Variants in FGD4 observed in about 807,000 individuals in gnomAD.
The protein encoded by FGD4 is FYVE, RhoGEF and PH domain containing 4.
FGD4 carries 42 observed loss-of-function variants against 102.0 expected under a neutral mutation model. That is an observed-to-expected ratio of 0.41 (90% CI 0.32 to 0.53). The LOEUF (loss-of-function observed/expected upper bound fraction) is 0.53, where lower values mean the gene tolerates loss of function less well. Among genes scored for constraint, FGD4 ranks in the 20% least tolerant of loss-of-function variants. FGD4 has a pLI of 0.21. For missense variants in FGD4, 902 were observed against 1,078.2 expected, an observed-to-expected ratio of 0.84 and a Z score of 2.29; for synonymous variants, 380 against 375.7, an observed-to-expected ratio of 1.01 and a Z score of -0.13.
intron 1 of FGD4, among the ~76,000 whole-genome samples, chr12:32,507,999 A>G (rs151290708): frequency 1.6e-3 from 240 of 152,278 alleles, no homozygotes; most frequent in African/African-American, 5.6e-3. Context: ...TGCCCTTGCT[A>G]GATTCTGGGT....
At chr12:32,518,990 C>A (rs1241049692) in intron 1 of FGD4, among the ~76,000 whole-genome samples, 1 of 151,760 alleles carries the variant, frequency 6.6e-6, no homozygotes, top group African/African-American at 2.4e-5. Flanking sequence ...TGGCACATGC[C>A]CGTAATCCCA....
intron 10 of FGD4, among the ~76,000 whole-genome samples, chr12:32,612,861 G>A (rs1949233869): frequency 6.6e-6 from 1 of 152,236 alleles, no homozygotes; most frequent in Middle Eastern, 3.4e-3. Flanking sequence ...TCCTGGAAAT[G>A]ACAGTCTGGG....
intron 10 of FGD4, among the ~76,000 whole-genome samples, chr12:32,617,878 C>T (rs1949543844): frequency 6.6e-6 from 1 of 152,176 alleles, no homozygotes; most frequent in Non-Finnish European, 1.5e-5. Context: ...TGCGGGAGCT[C>T]CCACCTTCAC....
chr12:32,528,342 G>A (rs796542065), intron 1 of FGD4, among the ~76,000 whole-genome samples: 15 of 152,296 alleles, frequency 9.8e-5, no homozygotes, highest in African/African-American at 3.6e-4. Context: ...ACACAAGTCT[G>A]TTATATAAAA....
At chr12:32,573,350 C>CTGTAA (rs199498272) in intron 2 of FGD4, among the ~76,000 whole-genome samples, 7,433 of 152,292 alleles carry the variant, frequency 0.049, 215 homozygotes, top group African/African-American at 0.062. Flanking sequence ...CCGCCTTGGC[C>CTGTAA]TCCCAAAGTG....
chr12:32,619,939 G>A (rs1949702202), intron 11 of FGD4, 69 bp downstream of exon 11: 1 of 1,565,702 alleles, frequency 6.4e-7, no homozygotes, highest in Non-Finnish European at 8.8e-7. Context: ...AAAATAGAAT[G>A]GCTCTGAGGG....
intron 1 of FGD4, among the ~76,000 whole-genome samples, chr12:32,523,458 A>G (rs1008935938): frequency 2.0e-5 from 3 of 152,202 alleles, no homozygotes; most frequent in Non-Finnish European, 2.9e-5. Flanking sequence ...TTAAGCTAGC[A>G]ATACATGACA....
At chr12:32,615,994 TC>T (rs1949430584) in intron 10 of FGD4, among the ~76,000 whole-genome samples, 2 of 152,070 alleles carry the variant, frequency 1.3e-5, no homozygotes, top group South Asian at 4.2e-4. Flanking sequence ...GGAGGGGCAG[TC>T]CTGTCAGTGT....
chr12:32,607,223 C>G (rs866525123), intron 7 of FGD4, among the ~76,000 whole-genome samples: 5 of 152,172 alleles, frequency 3.3e-5, no homozygotes, highest in East Asian at 1.9e-4. Flanking sequence ...TCTGTTCTTA[C>G]ACCAGATTGG....
chr12:32,576,249 C>G lies in FGD4; in HGVS notation c.320-17C>G, dbSNP rs1946119249. On this transcript the variant is annotated splice_polypyrimidine_tract_variant and intron_variant, in intron 2 of 16. Transcript: ENST00000534526. Reference sequence around the variant, plus strand: ...CAAAATATCAGTGAAATACTATATTCTATTCTTTTTCTACAGTGCCTCCAA... The same window carrying G: ...CAAAATATCAGTGAAATACTATATTGTATTCTTTTTCTACAGTGCCTCCAA... The G allele has an allele frequency of 6.4e-7, 1 of 1,559,994 alleles. No individual in the cohort carries two copies. The highest frequency in any genetic ancestry group is 1.9e-5 in the Admixed American group (1 of 51,646).
chr12:32,568,515 T>C (rs1325373500), intron 2 of FGD4, among the ~76,000 whole-genome samples: 1 of 150,814 alleles, frequency 6.6e-6, no homozygotes, highest in Non-Finnish European at 1.5e-5. Context: ...ATAGCTCCTT[T>C]AGTAATTAAA....
intron 1 of FGD4, among the ~76,000 whole-genome samples, chr12:32,482,148 T>C (rs1943785237): frequency 6.6e-6 from 1 of 152,214 alleles, no homozygotes; most frequent in Non-Finnish European, 1.5e-5. Flanking sequence ...AAGGCCACAT[T>C]ATATATTTTA....
chr12:32,607,169 G>A (rs1033629076), intron 7 of FGD4, among the ~76,000 whole-genome samples: 1 of 152,158 alleles, frequency 6.6e-6, no homozygotes, highest in Non-Finnish European at 1.5e-5. Flanking sequence ...TCAGCAATCT[G>A]GAATTTTCTT....
chr12:32,539,110 A>G (rs1942576169), intron 1 of FGD4, among the ~76,000 whole-genome samples: 1 of 152,210 alleles, frequency 6.6e-6, no homozygotes, highest in East Asian at 1.9e-4. Context: ...TTTTATATTA[A>G]TGATATACTT....
chr12:32,633,106 G>C (rs1156701056), intron 14 of FGD4, among the ~76,000 whole-genome samples: 1 of 150,248 alleles, frequency 6.7e-6, no homozygotes, highest in East Asian at 1.9e-4. Context: ...AAAATCTTTG[G>C]GTAAGATCGA....
At position 32,619,488 on chromosome 12, in the gene FGD4, C is replaced by T. The variant is rs190182365; in HGVS notation, c.1750-210C>T. Among the ~76,000 whole-genome samples, 42 of 152,054 alleles carry T rather than the reference C, an allele frequency of 2.8e-4. No individual in the cohort carries two copies. In the East Asian group the frequency reaches 7.0e-3, roughly 25 times the overall value. ...CTAAAAATACAAAAAAAAAATTAGC[C>T]GGACGTGGTGGCGGGTGCCTGTAGT... is the stretch of plus-strand genomic sequence containing the variant. On this transcript the variant is annotated intron_variant, in intron 10 of 16. Transcript: ENST00000534526.
At chr12:32,545,985 C>A (rs1242392617) in intron 1 of FGD4, among the ~76,000 whole-genome samples, 1 of 152,180 alleles carries the variant, frequency 6.6e-6, no homozygotes, top group Non-Finnish European at 1.5e-5. Flanking sequence ...TCTAAGAATT[C>A]ATTTTAAATC....
intron 2 of FGD4, among the ~76,000 whole-genome samples, chr12:32,565,552 T>C (rs1592242759): frequency 2.0e-5 from 3 of 152,188 alleles, no homozygotes; most frequent in African/African-American, 7.2e-5. Flanking sequence ...TGAATACAAT[T>C]GTAGTTGTAA....
intron 10 of FGD4, among the ~76,000 whole-genome samples, 180 bp downstream of exon 10, chr12:32,611,463 G>A (rs1051207115): frequency 1.3e-5 from 2 of 152,122 alleles, no homozygotes; most frequent in African/African-American, 4.8e-5. Flanking sequence ...GGTGGCGGGT[G>A]CCTGTAATCC....
Sources: gnomAD v4.1 joint callset for allele counts (sites outside exome capture counted in the v4.1 genomes callset) on GRCh38, gnomAD v4.1.1 for gene constraint, MANE v1.5 for transcripts, NCBI Gene and HGNC (gene_info 2026-07-23, HGNC 2026-07-21) for gene names.